Variants in TP63 observed in about 807,000 individuals in gnomAD.
The protein encoded by TP63 is tumor protein p63.
TP63 carries 17 observed loss-of-function variants against 82.8 expected under a neutral mutation model. That is an observed-to-expected ratio of 0.21 (90% CI 0.14 to 0.31). The LOEUF (loss-of-function observed/expected upper bound fraction) is 0.31. Ranked by LOEUF, TP63 falls within the 10% of genes least tolerant of loss-of-function variation. The pLI is 1.00. For missense variants in TP63, 648 were observed against 895.3 expected (o/e 0.72, Z 3.52); for synonymous variants, 330 against 321.7 (o/e 1.03, Z -0.28).
intron 10 of TP63, 86 bp from the exon 11 acceptor site, chr3:189,886,308 G>A: frequency 6.9e-7 from 1 of 1,457,416 alleles, no homozygotes. Context: ...TTGAGGCCAT[G>A]TTTTAAACAG....
intron 3 of TP63, among the ~76,000 whole-genome samples, chr3:189,770,999 A>G (rs529702798): frequency 6.6e-6 from 1 of 152,196 alleles, no homozygotes; most frequent in South Asian, 2.1e-4. Context: ...TCACAACAAC[A>G]GGCAATGTAT....
At position 189,695,048 on chromosome 3, in the gene TP63, C is replaced by T. The variant is rs1717260730; in HGVS notation, c.63-42692C>T. Among the ~76,000 whole-genome samples the T allele has an allele frequency of 1.3e-5, 2 of 151,640 alleles. 1 individual carries two copies. The highest frequency in any genetic ancestry group is 4.8e-5 in the African/African-American group (2 of 41,298). On this transcript the variant is annotated intron_variant, in intron 1 of 13. Transcript: ENST00000264731. Reference sequence around the variant, plus strand: ...TCTTGAACTCCTCAGGTGACCTGCCCACCTTGACAGCCTATTCTTTAAGAG... The same window carrying T: ...TCTTGAACTCCTCAGGTGACCTGCCTACCTTGACAGCCTATTCTTTAAGAG...
chr3:189,724,781 C>T (rs1160830992), intron 1 of TP63, among the ~76,000 whole-genome samples: 1 of 152,196 alleles, frequency 6.6e-6, no homozygotes, highest in African/African-American at 2.4e-5. Flanking sequence ...TTATGGAACA[C>T]CTTCGTGCTG....
chr3:189,688,790 G>C (rs140256390), intron 1 of TP63, among the ~76,000 whole-genome samples: 138 of 152,290 alleles, frequency 9.1e-4, no homozygotes, highest in African/African-American at 2.9e-3. Context: ...CAGGATTTTT[G>C]TTTATAGCAG....
intron 1 of TP63, among the ~76,000 whole-genome samples, chr3:189,679,390 G>C (rs1920243): frequency 6.6e-6 from 1 of 151,658 alleles, no homozygotes; most frequent in Non-Finnish European, 1.5e-5. Flanking sequence ...AGTAATGTTT[G>C]CCATTTTTTT....
chr3:189,644,453 C>T (rs536454758), intron 1 of TP63, among the ~76,000 whole-genome samples: 3 of 152,304 alleles, frequency 2.0e-5, no homozygotes, highest in African/African-American at 7.2e-5. Context: ...GACCCTACTA[C>T]TTAAAGTGAA....
intron 1 of TP63, among the ~76,000 whole-genome samples, chr3:189,690,443 G>C (rs1036099036): frequency 1.3e-5 from 2 of 152,186 alleles, no homozygotes; most frequent in Non-Finnish European, 2.9e-5. Context: ...GTTAAAACAA[G>C]TAATTCCTTC....
the TP63 span, among the ~76,000 whole-genome samples, chr3:189,602,292 C>G: frequency 6.6e-6 from 1 of 152,158 alleles, no homozygotes; most frequent in Non-Finnish European, 1.5e-5. Context: ...GTGACCATGG[C>G]TTAGAAAGGG....
intron 4 of TP63, among the ~76,000 whole-genome samples, chr3:189,843,588 G>T (rs577151133): frequency 1.2e-4 from 18 of 152,330 alleles, no homozygotes; most frequent in Admixed American, 1.2e-3. Context: ...CAAGACGACT[G>T]TGGGGCCAAT....
intron 3 of TP63, among the ~76,000 whole-genome samples, chr3:189,758,564 C>T (rs1232383482): frequency 6.6e-6 from 1 of 152,234 alleles, no homozygotes; most frequent in Non-Finnish European, 1.5e-5. Context: ...AAGTCACCTG[C>T]TTGGCTTCTT....
At chr3:189,608,759 A>C in the TP63 span, among the ~76,000 whole-genome samples, 1 of 152,092 alleles carries the variant, frequency 6.6e-6, no homozygotes, top group Non-Finnish European at 1.5e-5. Flanking sequence ...CCAAACACTA[A>C]GCCCCCATTT....
intron 10 of TP63, chr3:189,881,386 G>C: frequency 1.0e-6 from 1 of 985,206 alleles, no homozygotes; most frequent in Non-Finnish European, 1.2e-6. Context: ...CCCACACCCA[G>C]TCACCAGCAC....
At chr3:189,746,981 T>A (rs1454733904) in intron 3 of TP63, among the ~76,000 whole-genome samples, 1 of 150,374 alleles carries the variant, frequency 6.7e-6, no homozygotes, top group Non-Finnish European at 1.5e-5. Context: ...TAAAACAGAT[T>A]TTAAGGGAAA....
chr3:189,682,556 ATATATATATATATATATAT>A lies in TP63; in HGVS notation c.62+50980_62+50998del, dbSNP rs1560107479. Among the ~76,000 whole-genome samples the A allele has an allele frequency of 1.0e-2, 36 of 3,612 alleles. 1 individual carries two copies. The highest frequency in any genetic ancestry group is 0.069 in the South Asian group (5 of 72). The allele number at this position is 3,612 out of a possible 152,430, so 2.4% of individuals were successfully genotyped here. A position where few individuals can be genotyped will look rare whatever the true frequency, so the allele number is the denominator to read the frequency against. On this transcript the variant is annotated intron_variant, in intron 1 of 13. Transcript: ENST00000264731. ...AAGGGGAAAAAAAAAAAAAAAAAATATATATATATATATATATATATATATATATATATATATATCCTAT... is the reference window on the plus strand; with the variant it reads ...AAGGGGAAAAAAAAAAAAAAAAAATAATATATATATATATATATATCCTAT...
intron 3 of TP63, chr3:189,789,669 A>AAG: frequency 6.9e-7 from 1 of 1,454,698 alleles, no homozygotes; most frequent in South Asian, 1.5e-5. Context: ...CAGAGAGAGA[A>AAG]AGAGAGAGAG....
chr3:189,866,759 G>A lies in TP63; in HGVS notation c.844G>A (p.Gly282Arg). 1 of 1,614,054 alleles carries A rather than the reference G, an allele frequency of 6.2e-7. No individual in the cohort carries two copies. Among genetic ancestry groups the A allele is most frequent in the Non-Finnish European group, 8.5e-7 (1 of 1,179,978 alleles). Reference sequence around the variant, plus strand: ...CCAGTATGTAGAAGATCCCATCACAGGAAGACAGAGTGTGCTGGTACCTTA... The same window carrying A: ...CCAGTATGTAGAAGATCCCATCACAAGAAGACAGAGTGTGCTGGTACCTTA... ...HAQYVEDPIT[G>R]RQSVLVPYEP... The change falls in exon 6 of 14, where the codon GGA becomes AGA. Residue 282 changes from glycine (G) to arginine (R), a missense_variant. This residue lies in a region of TP63 where 30 missense variants were observed against 26.4 expected (regional missense o/e 1.14). Transcript: ENST00000264731.
At chr3:189,770,984 G>A (rs903409620) in intron 3 of TP63, among the ~76,000 whole-genome samples, 1 of 151,890 alleles carries the variant, frequency 6.6e-6, no homozygotes, top group African/African-American at 2.4e-5. Flanking sequence ...TATTACCCTT[G>A]CTCCTCACAA....
intron 10 of TP63, among the ~76,000 whole-genome samples, chr3:189,877,266 A>T (rs930948691): frequency 1.3e-5 from 2 of 152,196 alleles, no homozygotes; most frequent in Non-Finnish European, 2.9e-5. Flanking sequence ...GCCAGAATCT[A>T]ATAGAAAGAC....
intron 1 of TP63, among the ~76,000 whole-genome samples, chr3:189,722,035 TCTTA>T (rs1268233902): frequency 4.6e-5 from 7 of 152,130 alleles, no homozygotes; most frequent in African/African-American, 4.8e-5. Flanking sequence ...ATTGGAGAGA[TCTTA>T]CTGAGGATGA....
Sources: allele counts gnomAD v4.1 joint callset (sites outside exome capture counted in the v4.1 genomes callset), GRCh38; gene constraint gnomAD v4.1.1; regional missense constraint gnomAD v4.1.1; transcripts MANE v1.5; gene names NCBI Gene and HGNC (gene_info 2026-07-23, HGNC 2026-07-21).